Variants in TRAP1 observed in about 807,000 individuals in gnomAD.
TRAP1 encodes the protein heat shock protein 75 kDa, mitochondrial.
In TRAP1, 102 loss-of-function variants were observed where a neutral mutation model predicts 89.1. The observed-to-expected ratio is 1.15, with a 90% CI of 0.98 to 1.35. The LOEUF is 1.35. Among genes scored for constraint, TRAP1 ranks in the 40% most tolerant of loss-of-function variants. The probability of loss-of-function intolerance (pLI) is 0.00; values close to 1 mark genes in which losing one functional copy is unlikely to be tolerated. For synonymous variants in TRAP1, 508 were observed against 388.0 expected (o/e 1.31, Z -3.64); for missense variants, 1,256 against 945.3 (o/e 1.33, Z -4.31).
At chr16:3,707,246 C>T (rs998491598) in intron 1 of TRAP1, among the ~76,000 whole-genome samples, 91 of 141,410 alleles carry the variant, frequency 6.4e-4, no homozygotes, top group African/African-American at 2.2e-3. Context: ...AGTGCAGTGG[C>T]GGGATCTCGG....
chr16:3,674,597 C>G, intron 8 of TRAP1, 103 bp from the exon 9 acceptor site: 1 of 1,421,664 alleles, frequency 7.0e-7, no homozygotes, highest in Non-Finnish European at 9.5e-7. Flanking sequence ...TGGACAGGCT[C>G]CTGGGACAGA....
rs184815151 is a variant in TRAP1 at position 3,702,483 on chromosome 16, C to A, written c.89-11498G>T. On this transcript the variant is annotated intron_variant, in intron 1 of 17. Transcript: ENST00000246957. Reference sequence around the variant, plus strand: ...TAAGGCCTAGGGCAGTGGCTCACACCTGTAATCCCAGCACTCTAGGAGGCT... The same window carrying A: ...TAAGGCCTAGGGCAGTGGCTCACACATGTAATCCCAGCACTCTAGGAGGCT... Among the ~76,000 whole-genome samples, 74 of 152,020 alleles carry A rather than the reference C, an allele frequency of 4.9e-4. 6 individuals carry two copies. The highest frequency in any genetic ancestry group is 1.7e-3 in the African/African-American group (69 of 41,288).
At chr16:3,686,263 A>G in intron 3 of TRAP1, 127 bp from the exon 4 acceptor site, 1 of 1,154,354 alleles carries the variant, frequency 8.7e-7, no homozygotes, top group Non-Finnish European at 1.2e-6. Context: ...AAGCATAAAG[A>G]GTTTCTGCTT....
intron 1 of TRAP1, among the ~76,000 whole-genome samples, chr16:3,702,122 C>T (rs1408875152): frequency 1.3e-5 from 2 of 151,924 alleles, no homozygotes; most frequent in African/African-American, 2.4e-5. Flanking sequence ...GACTCCATCT[C>T]GGGCGGGGGA....
chr16:3,716,516 G>A (rs1388403380), intron 1 of TRAP1, among the ~76,000 whole-genome samples: 24 of 152,212 alleles, frequency 1.6e-4, no homozygotes, highest in Admixed American at 1.6e-3. Flanking sequence ...TGTGGTCACT[G>A]GAAGGCACAT....
Position 3,717,469 on chromosome 16 carries a change from G to C in TRAP1, c.40C>G (p.Arg14Gly). 1.5e-6 allele frequency: 2 copies of C among 1,309,496 alleles called. No homozygotes were observed. The highest frequency in any genetic ancestry group is 1.9e-6 in the Non-Finnish European group (2 of 1,035,460). The allele number at this position is 1,309,496 out of a possible 1,614,324, so 81.1% of individuals were successfully genotyped here. Residue 14 changes from arginine (R) to glycine (G), a missense_variant, in exon 1 of 18, where the codon CGC (arginine) becomes GGC (glycine). Arg to Gly is a moderately radical substitution (Grantham distance 125). Coordinates refer to ENST00000246957, the MANE Select transcript of TRAP1 (RefSeq NM_016292.3). ...GGCGCCCGCAGCAAAGGCCGCAGGC[G>C]GCGGCCCCACAGCAGCAGCGCCCGC... ...ELRALLLWGRRLRPLLRAPAL... is the reference protein window; with the variant it reads ...ELRALLLWGRGLRPLLRAPAL...
intron 17 of TRAP1, 88 bp downstream of exon 17, chr16:3,658,705 T>G: frequency 7.9e-7 from 1 of 1,267,152 alleles, no homozygotes; most frequent in Non-Finnish European, 1.1e-6. Context: ...AGACAGGATT[T>G]TAGAGGAAAC....
At chr16:3,671,595 C>T in intron 11 of TRAP1, 127 bp downstream of exon 11, 1 of 973,676 alleles carries the variant, frequency 1.0e-6, no homozygotes, top group Non-Finnish European at 1.5e-6. Context: ...CCCCCATGTG[C>T]AGGCCGGGCT....
chr16:3,710,489 C>T (rs560885769), intron 1 of TRAP1: 2 of 152,240 alleles, frequency 1.3e-5, no homozygotes, highest in Middle Eastern at 3.4e-3. Context: ...CATTAACACC[C>T]GTAATAATGA....
intron 1 of TRAP1, among the ~76,000 whole-genome samples, chr16:3,707,785 C>T (rs58338291): frequency 0.41 from 61,369 of 148,984 alleles, 13,985 homozygotes; most frequent in African/African-American, 0.62. Context: ...ACTCGGGAAG[C>T]GAAGGCTGCA....
intron 17 of TRAP1, chr16:3,658,478 T>A: frequency 3.5e-6 from 2 of 578,716 alleles, no homozygotes; most frequent in South Asian, 4.2e-5. Flanking sequence ...GGTCAGGAGA[T>A]TGAGACCATC....
rs372038149 is a variant in TRAP1 at position 3,672,734 on chromosome 16, C to T, written c.1131G>A (p.Thr377=). 10 of 1,610,166 alleles carry T rather than the reference C, an allele frequency of 6.2e-6. No homozygotes were observed. Among genetic ancestry groups the T allele is most frequent in the Admixed American group, 5.0e-5 (3 of 59,536 alleles). The change falls in exon 10 of 18, where the codon ACG becomes ACA. Residue 377 remains threonine, a synonymous_variant. Coordinates refer to ENST00000246957, the MANE Select transcript of TRAP1 (RefSeq NM_016292.3). ...AGCGCAGCCACTTGGGCAGGATGTC[C>T]GTGGCCTTGGTCTGGATGAGGACTT... ...SRKVLIQTKA[T]DILPKWLRFI...
intron 16 of TRAP1, 123 bp downstream of exon 16, chr16:3,661,864 G>A (rs2043095413): frequency 3.1e-6 from 4 of 1,295,632 alleles, no homozygotes; most frequent in Non-Finnish European, 2.0e-6. Context: ...GCTCCTTATA[G>A]TTACCCACAT....
At position 3,712,498 on chromosome 16, in the gene TRAP1, C is replaced by T. The variant is rs1475104592; in HGVS notation, c.88+4923G>A. ...CCCCACCCCGCAAGCTGCATTCCCTCTCTTCCTGCCAAGGGGTAGCAAAAT... is the reference window on the plus strand; with the variant it reads ...CCCCACCCCGCAAGCTGCATTCCCTTTCTTCCTGCCAAGGGGTAGCAAAAT... On this transcript the variant is annotated intron_variant, in intron 1 of 17. Transcript: ENST00000246957. Among the ~76,000 whole-genome samples the T allele has an allele frequency of 2.0e-5, 3 of 152,042 alleles. No homozygotes were observed. The East Asian group carries it at 5.8e-4, about 29-fold the overall frequency.
chr16:3,717,210 G>A (rs919952763), intron 1 of TRAP1, among the ~76,000 whole-genome samples: 6 of 152,254 alleles, frequency 3.9e-5, no homozygotes, highest in Admixed American at 2.0e-4. Flanking sequence ...CCATGGGCGG[G>A]TGGCGAGGGG....
At chr16:3,707,285 A>G (rs377018387) in intron 1 of TRAP1, among the ~76,000 whole-genome samples, 4 of 144,574 alleles carry the variant, frequency 2.8e-5, no homozygotes, top group East Asian at 2.0e-4. Context: ...TCCCGGGTTC[A>G]CACCATTCTC....
intron 5 of TRAP1, among the ~76,000 whole-genome samples, chr16:3,679,042 G>T (rs970298560): frequency 6.6e-6 from 1 of 152,158 alleles, no homozygotes; most frequent in African/African-American, 2.4e-5. Context: ...GTGGGTCTGG[G>T]CATAGTGACG....
At chr16:3,665,853 G>A (rs918159193) in intron 12 of TRAP1, 118 bp downstream of exon 12, 12 of 1,319,358 alleles carry the variant, frequency 9.1e-6, no homozygotes, top group South Asian at 4.5e-5. Context: ...GGCAGCAGCA[G>A]CAGCAGCCAG....
chr16:3,664,196 C>T, intron 13 of TRAP1, 78 bp downstream of exon 13: 3 of 1,420,270 alleles, frequency 2.1e-6, no homozygotes, highest in Non-Finnish European at 2.8e-6. Flanking sequence ...GGCAGGTTCA[C>T]CCAGCACAGA....
Sources: allele counts gnomAD v4.1 joint callset (sites outside exome capture counted in the v4.1 genomes callset), GRCh38; gene constraint gnomAD v4.1.1; transcripts MANE v1.5; gene names NCBI Gene and HGNC (gene_info 2026-07-23, HGNC 2026-07-21).